PNKD: variants seen among roughly 807,000 people sequenced by gnomAD.
PNKD encodes probable thioesterase PNKD.
In PNKD, 36 loss-of-function variants were observed where a neutral mutation model predicts 45.3. That is an observed-to-expected ratio of 0.80 (90% confidence interval 0.61 to 1.05). The LOEUF is 1.05. Among genes scored for constraint, PNKD ranks in the 50% least tolerant of loss-of-function variants. PNKD has a pLI of 0.00. For synonymous variants in PNKD, 197 were observed against 210.1 expected, an observed-to-expected ratio of 0.94 and a Z score of 0.54; for missense variants, 511 against 506.6, an observed-to-expected ratio of 1.01 and a Z score of -0.08.
At chr2:218,301,500 A>C (rs866629654) in intron 2 of PNKD, among the ~76,000 whole-genome samples, 33 of 152,276 alleles carry the variant, frequency 2.2e-4, no homozygotes, top group Middle Eastern at 3.4e-3. Context: ...AGAAAAAGGG[A>C]GCCTTGGCCG....
At chr2:218,272,457 A>G (rs1404701114) in intron 2 of PNKD, 12 of 941,926 alleles carry the variant, frequency 1.3e-5, no homozygotes, top group African/African-American at 4.9e-5. Flanking sequence ...TGAATAGACT[A>G]TAAGAGGTAT....
At chr2:218,303,844 G>T (rs1483582404) in intron 2 of PNKD, among the ~76,000 whole-genome samples, 1 of 152,020 alleles carries the variant, frequency 6.6e-6, no homozygotes, top group Admixed American at 6.6e-5. Flanking sequence ...AAAGTGCTGG[G>T]ATTACAGGTG....
chr2:218,342,765 A>G (rs1260104359), intron 7 of PNKD, among the ~76,000 whole-genome samples: 1 of 152,102 alleles, frequency 6.6e-6, no homozygotes, highest in Admixed American at 6.6e-5. Context: ...CAGGCCTGTA[A>G]TCCCAGAACT....
At chr2:218,296,961 A>G (rs1321732508) in intron 2 of PNKD, among the ~76,000 whole-genome samples, 1 of 152,230 alleles carries the variant, frequency 6.6e-6, no homozygotes, top group Non-Finnish European at 1.5e-5. Flanking sequence ...TACAGGCAAG[A>G]GCTACCGCGC....
At chr2:218,288,183 C>T (rs1432289956) in intron 2 of PNKD, among the ~76,000 whole-genome samples, 1 of 152,138 alleles carries the variant, frequency 6.6e-6, no homozygotes, top group East Asian at 1.9e-4. Flanking sequence ...AATCCCAGCA[C>T]TTTGGGAGGC....
chr2:218,299,497 T>C (rs1693220625), intron 2 of PNKD, among the ~76,000 whole-genome samples: 1 of 152,052 alleles, frequency 6.6e-6, no homozygotes, highest in Admixed American at 6.6e-5. Flanking sequence ...CAGGCTGGAG[T>C]GCAGCGAAGC....
chr2:218,270,770 C>T (rs968746294), intron 1 of PNKD, 168 bp downstream of exon 1: 3 of 411,960 alleles, frequency 7.3e-6, no homozygotes, highest in African/African-American at 2.1e-5. Flanking sequence ...CCCAGTGCAT[C>T]CCCCCGCCTT....
intron 2 of PNKD, among the ~76,000 whole-genome samples, chr2:218,323,934 T>C (rs2106276030): frequency 6.6e-6 from 1 of 152,312 alleles, no homozygotes; most frequent in African/African-American, 2.4e-5. Context: ...CCAGTCAAGT[T>C]AGGTTCTTCT....
chr2:218,294,251 G>A (rs1693083077), intron 2 of PNKD, among the ~76,000 whole-genome samples: 1 of 152,108 alleles, frequency 6.6e-6, no homozygotes, highest in East Asian at 1.9e-4. Flanking sequence ...CCAGATCCCT[G>A]ACATTTTTTC....
intron 2 of PNKD, chr2:218,282,191 G>C: frequency 7.2e-7 from 1 of 1,392,442 alleles, no homozygotes; most frequent in Non-Finnish European, 9.5e-7. Flanking sequence ...CCTGAAATGG[G>C]AGAGGAGAAA....
chr2:218,312,594 C>T (rs572053455), intron 2 of PNKD, among the ~76,000 whole-genome samples: 2 of 151,810 alleles, frequency 1.3e-5, no homozygotes, highest in South Asian at 2.1e-4. Context: ...AAACCTGGGC[C>T]GGGAGGGATG....
chr2:218,331,657 G>A (rs995172647), intron 2 of PNKD, among the ~76,000 whole-genome samples: 14 of 152,070 alleles, frequency 9.2e-5, no homozygotes, highest in African/African-American at 2.9e-4. Context: ...TAGTAGAGAC[G>A]GGGTTTCACC....
chr2:218,303,571 C>T (rs1171756260), intron 2 of PNKD, among the ~76,000 whole-genome samples: 1 of 136,614 alleles, frequency 7.3e-6, no homozygotes, highest in Non-Finnish European at 1.6e-5. Flanking sequence ...CAGACCTGCA[C>T]TTCTTTTTTT....
intron 2 of PNKD, among the ~76,000 whole-genome samples, chr2:218,325,198 CTTTTTTTT>C (rs746439948): frequency 5.0e-5 from 2 of 39,762 alleles, no homozygotes; most frequent in South Asian, 1.7e-3. Flanking sequence ...CGCACCCGGC[CTTTTTTTT>C]TTTTTTTTTT....
chr2:218,291,067 C>T (rs927607883), intron 2 of PNKD, among the ~76,000 whole-genome samples: 2 of 152,172 alleles, frequency 1.3e-5, no homozygotes, highest in Non-Finnish European at 1.5e-5. Flanking sequence ...AGGTAGACAG[C>T]GTCTGGCTGA....
intron 2 of PNKD, among the ~76,000 whole-genome samples, chr2:218,296,869 G>C (rs924891249): frequency 6.6e-6 from 1 of 152,096 alleles, no homozygotes; most frequent in Non-Finnish European, 1.5e-5. Context: ...GTAGAAACAG[G>C]GTTTTGCCAC....
chr2:218,320,148 T>G (rs754435916), intron 2 of PNKD, among the ~76,000 whole-genome samples: 1 of 152,250 alleles, frequency 6.6e-6, no homozygotes, highest in African/African-American at 2.4e-5. Context: ...TTTGTGAGTA[T>G]GTAATATGTA....
chr2:218,277,238 C>A, intron 2 of PNKD: 1 of 1,166,980 alleles, frequency 8.6e-7, no homozygotes. Context: ...AGAAACAGGA[C>A]ACAGTTTTGT....
chr2:218,308,372 A>G (rs1693481906), intron 2 of PNKD, among the ~76,000 whole-genome samples: 1 of 151,854 alleles, frequency 6.6e-6, no homozygotes, highest in Admixed American at 6.6e-5. Context: ...TATTTTTAGT[A>G]GAGACGGGGT....
Sources: gnomAD v4.1 joint callset for allele counts (sites outside exome capture counted in the v4.1 genomes callset) on GRCh38, gnomAD v4.1.1 for gene constraint, MANE v1.5 for transcripts, NCBI Gene and HGNC (gene_info 2026-07-23, HGNC 2026-07-21) for gene names.